The following PHTF2 variants were observed in gnomAD, a reference collection of about 807,000 sequenced individuals.
PHTF2 encodes the protein protein PHTF2.
Under a neutral mutation model 101.2 loss-of-function variants are expected in PHTF2, and 60 were observed. The observed-to-expected ratio is 0.59, with a 90% CI of 0.48 to 0.73. The LOEUF (loss-of-function observed/expected upper bound fraction) is 0.73, where lower values mean the gene tolerates loss of function less well. PHTF2 is among the 30% of genes least tolerant of loss of function. The probability of loss-of-function intolerance (pLI) is 0.00; values close to 1 mark genes in which losing one functional copy is unlikely to be tolerated. For missense variants in PHTF2, 747 were observed against 908.7 expected (o/e 0.82, Z 2.29); for synonymous variants, 311 against 307.3 (o/e 1.01, Z -0.13).
At chr7:77,859,210 C>T (rs971305862) in intron 3 of PHTF2, among the ~76,000 whole-genome samples, 1 of 152,222 alleles carries the variant, frequency 6.6e-6, no homozygotes, top group African/African-American at 2.4e-5. Context: ...AGATCCTTAA[C>T]TAATTACATC....
chr7:77,807,583 A>G (rs1793093834), intron 1 of PHTF2, among the ~76,000 whole-genome samples: 1 of 152,156 alleles, frequency 6.6e-6, no homozygotes, highest in African/African-American at 2.4e-5. Context: ...GGAGTCATCT[A>G]TATATTCTGA....
At chr7:77,905,780 G>A (rs940253383) in intron 7 of PHTF2, among the ~76,000 whole-genome samples, 17 of 152,004 alleles carry the variant, frequency 1.1e-4, no homozygotes, top group African/African-American at 3.9e-4. Context: ...TTACAGGTGT[G>A]AGCCATTGCA....
At chr7:77,871,727 T>C (rs1272597906) in intron 3 of PHTF2, among the ~76,000 whole-genome samples, 1 of 152,188 alleles carries the variant, frequency 6.6e-6, no homozygotes, top group Non-Finnish European at 1.5e-5. Flanking sequence ...GGTATTCCAC[T>C]GTTGTGTCAA....
At chr7:77,893,487 G>A in intron 3 of PHTF2, 121 bp from the exon 3 acceptor site, 1 of 494,058 alleles carries the variant, frequency 2.0e-6, no homozygotes, top group Non-Finnish European at 3.7e-6. Flanking sequence ...TGAGAAGTCT[G>A]AGATAGGGCT....
intron 9 of PHTF2, among the ~76,000 whole-genome samples, chr7:77,912,297 G>A (rs149379848): frequency 1.1e-3 from 163 of 152,198 alleles, no homozygotes; most frequent in Middle Eastern, 0.01. Flanking sequence ...CTCATTTTGG[G>A]GCTGGTTTGC....
rs557063593 is a variant in PHTF2 at position 77,842,622 on chromosome 7, A to G, written c.45+2322A>G. On this transcript the variant is annotated intron_variant, in intron 2 of 19. Coordinates refer to ENST00000416283, the Ensembl canonical transcript of PHTF2. ...CCTAACCTTTGAGTTTTGCTCCCCC[A>G]GAGGCAATCATTTTAAAGTCTTTAT... Among the ~76,000 whole-genome samples, 22 of 152,264 alleles carry G rather than the reference A, an allele frequency of 1.4e-4. No individual in the cohort carries two copies. The South Asian group carries it at 2.1e-3, about 14-fold the overall frequency.
intron 2 of PHTF2, among the ~76,000 whole-genome samples, chr7:77,844,674 G>T (rs746510362): frequency 2.0e-5 from 3 of 152,098 alleles, no homozygotes; most frequent in Non-Finnish European, 4.4e-5. Context: ...ACAGGCAGGT[G>T]CTACTACGGC....
At chr7:77,835,599 ATACTG>A (rs1168829786) in intron 1 of PHTF2, among the ~76,000 whole-genome samples, 1 of 152,190 alleles carries the variant, frequency 6.6e-6, no homozygotes, top group Non-Finnish European at 1.5e-5. Context: ...AGGCATTATT[ATACTG>A]TTGACCCTTG....
chr7:77,878,855 A>G (rs1799164648), intron 3 of PHTF2, among the ~76,000 whole-genome samples: 1 of 152,250 alleles, frequency 6.6e-6, no homozygotes, highest in Non-Finnish European at 1.5e-5. Context: ...TTCTTTAAGT[A>G]TTAAAAAGGG....
intron 1 of PHTF2, among the ~76,000 whole-genome samples, chr7:77,806,500 A>G (rs1200116279): frequency 6.6e-6 from 1 of 152,108 alleles, no homozygotes; most frequent in African/African-American, 2.4e-5. Context: ...TAGTGTTAAC[A>G]TGATATTTTT....
intron 5 of PHTF2, among the ~76,000 whole-genome samples, chr7:77,896,652 A>G (rs760506879): frequency 6.6e-6 from 1 of 152,188 alleles, no homozygotes; most frequent in Non-Finnish European, 1.5e-5. Context: ...CTAAAAGCAC[A>G]TTTCATTTTT....
At chr7:77,907,059 G>A in intron 7 of PHTF2, among the ~76,000 whole-genome samples, 1 of 151,632 alleles carries the variant, frequency 6.6e-6, no homozygotes, top group African/African-American at 2.4e-5. Context: ...CCTATGTACT[G>A]TATGTATGCT....
rs567176874 is a variant in PHTF2, at chr7:77,954,646, A to ATATG, written c.2338-212_2338-211insTATG. On this transcript the variant is annotated intron_variant, in intron 19 of 19. Transcript: ENST00000416283. The stretch of plus-strand genomic sequence containing the variant: ...TATATATATATATATATATATATAT[A>ATATG]GCCACTTCTCAAGAGAAAGCAATAG... Among the ~76,000 whole-genome samples the ATATG allele has an allele frequency of 1.7e-4, 24 of 142,946 alleles. No homozygotes were observed. In the South Asian group the frequency reaches 2.4e-3, roughly 14 times the overall value. 93.8% of individuals were successfully genotyped at this position (142,946 alleles called of 152,430 possible).
intron 16 of PHTF2, among the ~76,000 whole-genome samples, chr7:77,944,974 A>G (rs1281157753): frequency 2.0e-5 from 3 of 152,252 alleles, no homozygotes; most frequent in Non-Finnish European, 4.4e-5. Flanking sequence ...AATACAGGAC[A>G]GAGATAAAGA....
At chr7:77,924,274 C>G in intron 11 of PHTF2, 1 of 351,136 alleles carries the variant, frequency 2.8e-6, no homozygotes, top group Non-Finnish European at 4.0e-6. Flanking sequence ...AATGTTTTTT[C>G]TTTAAGAGTG....
chr7:77,913,389 A>G (rs913065828), intron 9 of PHTF2, among the ~76,000 whole-genome samples: 44 of 127,676 alleles, frequency 3.4e-4, no homozygotes, highest in African/African-American at 1.5e-3. Flanking sequence ...CTCTGTCTGA[A>G]AAAAAAAAAA....
chr7:77,821,695 G>A (rs1794305462), intron 1 of PHTF2, among the ~76,000 whole-genome samples: 1 of 152,004 alleles, frequency 6.6e-6, no homozygotes, highest in African/African-American at 2.4e-5. Flanking sequence ...GCCTGGGAAT[G>A]AATCTGTCTA....
chr7:77,895,191 A>G (rs911814088), intron 5 of PHTF2: 23 of 455,986 alleles, frequency 5.0e-5, no homozygotes, highest in Admixed American at 1.2e-4. Flanking sequence ...GTGAATATGT[A>G]TAGGTATGTG....
intron 3 of PHTF2, among the ~76,000 whole-genome samples, chr7:77,890,893 CCGCACCCGG>C (rs1484851405): frequency 6.7e-6 from 1 of 149,324 alleles, no homozygotes; most frequent in African/African-American, 2.5e-5. Flanking sequence ...GCGTGAGCCA[CCGCACCCGG>C]CCTTTTTTTT....
Sources: allele counts gnomAD v4.1 joint callset (sites outside exome capture counted in the v4.1 genomes callset), GRCh38; gene constraint gnomAD v4.1.1; transcripts MANE v1.5; gene names NCBI Gene and HGNC (gene_info 2026-07-23, HGNC 2026-07-21).